The following CDH12 variants were observed in gnomAD, a reference collection of about 807,000 sequenced individuals.
CDH12 encodes cadherin 12.
Under a neutral mutation model 74.1 loss-of-function variants are expected in CDH12, and 41 were observed. The ratio of observed to expected loss-of-function variants is 0.55; its 90% CI spans 0.43 to 0.72. The LOEUF (loss-of-function observed/expected upper bound fraction) is 0.72. CDH12 is among the 30% of genes least tolerant of loss of function. CDH12 has a pLI of 0.00. For synonymous variants in CDH12, 399 were observed against 355.0 expected, an observed-to-expected ratio of 1.12 and a Z score of -1.39; for missense variants, 945 against 977.2, an observed-to-expected ratio of 0.97 and a Z score of 0.44.
chr5:21,751,696 A>C lies in CDH12; in HGVS notation c.*41T>G, dbSNP rs562985178. 7 of 1,531,182 alleles carry C rather than the reference A, an allele frequency of 4.6e-6. No homozygotes were observed. In the Admixed American group the frequency reaches 1.5e-4, roughly 33 times the overall value. 94.8% of individuals were successfully genotyped at this position (1,531,182 alleles called of 1,614,324 possible). ...ATTTGTGTTTCTTTTTCTTTTTTAA[A>C]AATCTCCCCTCTCGGTTGTATTTTA... On this transcript the variant is annotated 3_prime_UTR_variant, in exon 15 of 15. Coordinates refer to ENST00000382254, the MANE Select transcript of CDH12 (RefSeq NM_004061.5).
chr5:22,646,273 T>C (rs1339708604), intron 1 of CDH12, among the ~76,000 whole-genome samples: 1 of 151,790 alleles, frequency 6.6e-6, no homozygotes, highest in Non-Finnish European at 1.5e-5. Context: ...AGAGGAATGG[T>C]TAAGTGGAAA....
chr5:22,647,907 T>C (rs1045993306), intron 1 of CDH12, among the ~76,000 whole-genome samples: 1 of 151,932 alleles, frequency 6.6e-6, no homozygotes, highest in African/African-American at 2.4e-5. Flanking sequence ...ATGTTTCCTT[T>C]CTTCCAAGTT....
intron 1 of CDH12, among the ~76,000 whole-genome samples, chr5:22,810,036 A>AACCTACTCATCTG: frequency 6.6e-6 from 1 of 152,062 alleles, no homozygotes. Flanking sequence ...TTTATTTTAA[A>AACCTACTCATCTG]ACACTATATT....
intron 2 of CDH12, among the ~76,000 whole-genome samples, chr5:22,492,182 T>C (rs1421016395): frequency 6.6e-6 from 1 of 151,988 alleles, no homozygotes; most frequent in African/African-American, 2.4e-5. Flanking sequence ...GAATATTTCC[T>C]TCTCACCTCC....
intron 2 of CDH12, among the ~76,000 whole-genome samples, chr5:22,482,450 G>A (rs911624393): frequency 1.3e-5 from 2 of 152,114 alleles, no homozygotes; most frequent in African/African-American, 2.4e-5. Flanking sequence ...GTACCTTTAT[G>A]TTGAACAAAC....
intron 4 of CDH12, among the ~76,000 whole-genome samples, chr5:22,087,780 T>G (rs1743167212): frequency 6.6e-6 from 1 of 152,224 alleles, no homozygotes. Context: ...ATAACTGTGA[T>G]GGAAAATACT....
At chr5:22,702,171 C>A (rs1742746929) in intron 1 of CDH12, among the ~76,000 whole-genome samples, 1 of 152,106 alleles carries the variant, frequency 6.6e-6, no homozygotes. Context: ...GGTTGCCTTA[C>A]ACTAACTACT....
intron 2 of CDH12, among the ~76,000 whole-genome samples, chr5:22,407,241 C>G (rs953414884): frequency 6.6e-6 from 1 of 152,054 alleles, no homozygotes; most frequent in African/African-American, 2.4e-5. Context: ...AATGTCTTCT[C>G]CTATGATTGC....
At chr5:22,202,283 A>T (rs928683400) in intron 4 of CDH12, among the ~76,000 whole-genome samples, 9 of 151,816 alleles carry the variant, frequency 5.9e-5, no homozygotes, top group African/African-American at 2.2e-4. Flanking sequence ...CAAGGTTCTC[A>T]TCTTCACAGA....
intron 3 of CDH12, among the ~76,000 whole-genome samples, chr5:22,386,230 C>T (rs1254707838): frequency 1.3e-5 from 2 of 152,132 alleles, no homozygotes; most frequent in African/African-American, 4.8e-5. Context: ...TGTGAGACCT[C>T]ACATGGCAAG....
chr5:21,889,331 G>T (rs1190070043), intron 6 of CDH12, among the ~76,000 whole-genome samples: 2 of 152,086 alleles, frequency 1.3e-5, no homozygotes, highest in African/African-American at 4.8e-5. Flanking sequence ...GGAGAAGGGA[G>T]ATGTGGTATC....
intron 3 of CDH12, among the ~76,000 whole-genome samples, chr5:22,283,251 T>TATATATACACACACAC (rs1282673054): frequency 2.0e-5 from 2 of 102,060 alleles, no homozygotes; most frequent in African/African-American, 8.2e-5. Flanking sequence ...TATATATATA[T>TATATATACACACACAC]ACACACACAC....
At chr5:21,872,565 A>G (rs1258093291) in intron 6 of CDH12, among the ~76,000 whole-genome samples, 1 of 152,150 alleles carries the variant, frequency 6.6e-6, no homozygotes, top group Non-Finnish European at 1.5e-5. Flanking sequence ...TATGGGATAT[A>G]CTCACTCAGG....
At chr5:22,343,321 C>CAGAGAGAGAGAGAG (rs1283582617) in intron 3 of CDH12, among the ~76,000 whole-genome samples, 1 of 124,214 alleles carries the variant, frequency 8.1e-6, no homozygotes, top group African/African-American at 3.7e-5. Context: ...CAGACACACA[C>CAGAGAGAGAGAGAG]ACAGAGAGAG....
At chr5:21,938,372 A>G (rs991248462) in intron 6 of CDH12, among the ~76,000 whole-genome samples, 10 of 151,984 alleles carry the variant, frequency 6.6e-5, no homozygotes, top group African/African-American at 2.4e-4. Context: ...AGGAGCTTAC[A>G]GTCTGGTGAA....
intron 2 of CDH12, among the ~76,000 whole-genome samples, chr5:22,476,824 T>C (rs2126615413): frequency 6.6e-6 from 1 of 152,306 alleles, no homozygotes; most frequent in East Asian, 1.9e-4. Context: ...GAGTCAATTA[T>C]AGATTATACA....
chr5:21,862,935 C>T (rs1451407314), intron 6 of CDH12, among the ~76,000 whole-genome samples: 1 of 152,142 alleles, frequency 6.6e-6, no homozygotes, highest in African/African-American at 2.4e-5. Flanking sequence ...CCTTCTCCTT[C>T]AGCCCCTTCA....
intron 5 of CDH12, among the ~76,000 whole-genome samples, chr5:21,995,215 C>CG (rs1561004009): frequency 6.6e-6 from 1 of 151,472 alleles, no homozygotes; most frequent in African/African-American, 2.4e-5. Flanking sequence ...AAGAACCTAC[C>CG]GGAAGGAACC....
intron 4 of CDH12, among the ~76,000 whole-genome samples, chr5:22,196,427 G>A (rs1363829366): frequency 1.3e-5 from 2 of 152,076 alleles, no homozygotes; most frequent in Non-Finnish European, 2.9e-5. Context: ...ACAGGCATGA[G>A]CCACTGTGCC....
Sources: allele counts gnomAD v4.1 joint callset (sites outside exome capture counted in the v4.1 genomes callset), GRCh38; gene constraint gnomAD v4.1.1; transcripts MANE v1.5; gene names NCBI Gene and HGNC (gene_info 2026-07-23, HGNC 2026-07-21).